Variants in ZNF44 observed in about 807,000 individuals in gnomAD.
ZNF44 encodes gonadotropin inducible transcription repressor-2.
A neutral mutation model predicts 11.7 loss-of-function variants in ZNF44; 9 were observed. The observed-to-expected ratio is 0.77, with a 90% CI of 0.46 to 1.35. ZNF44 has a LOEUF of 1.35. Ranked by LOEUF, ZNF44 falls within the 40% of genes most tolerant of loss-of-function variation. ZNF44 has a pLI of 0.00. For synonymous variants in ZNF44, 224 were observed against 242.7 expected, an observed-to-expected ratio of 0.92 and a Z score of 0.72; for missense variants, 696 against 743.1, an observed-to-expected ratio of 0.94 and a Z score of 0.74.
chr19:12,247,519 A>T (rs749927989), downstream of ZNF44: 1 of 1,350,566 alleles, frequency 7.4e-7, no homozygotes, highest in East Asian at 4.7e-5. Context: ...CACTGTTTAC[A>T]TTCATAAGGT....
chr19:12,266,994 G>A (rs1272462448), downstream of ZNF44, among the ~76,000 whole-genome samples: 3 of 151,870 alleles, frequency 2.0e-5, no homozygotes, highest in Non-Finnish European at 4.4e-5. Context: ...GTGGCATGGC[G>A]AAGGCTTCCT....
At chr19:12,226,058 A>G (rs528832171), downstream of ZNF44, 2 of 152,296 alleles carry the variant, frequency 1.3e-5, no homozygotes, top group East Asian at 3.9e-4. Flanking sequence ...TTTGAAACAT[A>G]ATTTTCTCTC....
At chr19:12,278,423 C>CTG (rs879641307) in intron 1 of ZNF44, among the ~76,000 whole-genome samples, 8 of 152,130 alleles carry the variant, frequency 5.3e-5, no homozygotes, top group Admixed American at 2.6e-4. Flanking sequence ...CTCTAAATTT[C>CTG]TGTGTGTGTG....
At chr19:12,241,065 A>G (rs1016712714), upstream of ZNF44, among the ~76,000 whole-genome samples, 1 of 152,196 alleles carries the variant, frequency 6.6e-6, no homozygotes, top group Non-Finnish European at 1.5e-5. Flanking sequence ...AACAAAACAA[A>G]CCAATGAGCC....
At position 12,272,275 on chromosome 19, in the gene ZNF44, T is replaced by C. The variant is rs112612717; in HGVS notation, c.*132A>G. On this transcript the variant is annotated 3_prime_UTR_variant, in exon 4 of 4. Transcript: ENST00000355684. ...TCCTCGGCCTCTCAAAGTGCTGGGA[T>C]TACAGGTGTGAGCCGCTGCGCCCAG... 232,641 of 1,347,084 alleles carry C rather than the reference T, an allele frequency of 0.17. 20,724 individuals carry two copies. Among genetic ancestry groups the C allele is most frequent in the East Asian group, 0.26 (9,438 of 36,106 alleles). 83.4% of individuals were successfully genotyped at this position (1,347,084 alleles called of 1,614,324 possible). A position where few individuals can be genotyped will look rare whatever the true frequency, so the allele number is the denominator to read the frequency against.
chr19:12,254,175 T>TA lies in ZNF44; in HGVS notation c.1913-3808dup, dbSNP rs77933552. On this transcript the variant is annotated intron_variant and NMD_transcript_variant, in intron 5 of 7. Coordinates refer to the ZNF44 transcript ENST00000393337. ...CCTAATCCAGAAGATCACAGCAGATTAAAAAAAAAAAACACTTTAACAAAC... is the reference window on the plus strand; with the variant it reads ...CCTAATCCAGAAGATCACAGCAGATTAAAAAAAAAAAAACACTTTAACAAAC... Among the ~76,000 whole-genome samples the TA allele has an allele frequency of 8.5e-3, 1,214 of 143,112 alleles. 19 individuals carry two copies. The highest frequency in any genetic ancestry group is 0.027 in the African/African-American group (1,077 of 39,726). 93.9% of individuals were successfully genotyped at this position (143,112 alleles called of 152,430 possible). A position where few individuals can be genotyped will look rare whatever the true frequency, so the allele number is the denominator to read the frequency against.
downstream of ZNF44, chr19:12,224,743 C>G (rs553315456): frequency 6.6e-6 from 1 of 152,206 alleles, no homozygotes; most frequent in Non-Finnish European, 1.5e-5. Flanking sequence ...TCTGGCTGGT[C>G]AGTCAGGAGC....
At chr19:12,283,549 A>G (rs1967581933) in intron 1 of ZNF44, among the ~76,000 whole-genome samples, 1 of 152,020 alleles carries the variant, frequency 6.6e-6, no homozygotes, top group Non-Finnish European at 1.5e-5. Context: ...CAGGATGGTC[A>G]TGATCTTCTG....
At chr19:12,289,987 G>GT in intron 1 of ZNF44, among the ~76,000 whole-genome samples, 2 of 152,218 alleles carry the variant, frequency 1.3e-5, no homozygotes, top group South Asian at 4.1e-4. Context: ...AGACTGTCTA[G>GT]TGACAGCCCT....
At chr19:12,288,121 C>T (rs1967840671) in intron 1 of ZNF44, among the ~76,000 whole-genome samples, 1 of 152,146 alleles carries the variant, frequency 6.6e-6, no homozygotes. Context: ...AAATTGAGGG[C>T]TCAGTTCCAC....
chr19:12,286,930 T>C (rs1213114127), intron 1 of ZNF44, among the ~76,000 whole-genome samples: 2 of 149,420 alleles, frequency 1.3e-5, no homozygotes, highest in African/African-American at 4.9e-5. Flanking sequence ...GTCTCAAAAA[T>C]AAAAAATAAA....
chr19:12,287,030 T>TACAC (rs899550234), intron 1 of ZNF44, among the ~76,000 whole-genome samples: 1 of 142,066 alleles, frequency 7.0e-6, no homozygotes, highest in African/African-American at 2.7e-5. Flanking sequence ...TATATATATA[T>TACAC]ACACACACAC....
chr19:12,254,077 T>TAC (rs57494376), intron 5 of ZNF44, among the ~76,000 whole-genome samples: 24,875 of 151,614 alleles, frequency 0.16, 2,271 homozygotes, highest in African/African-American at 0.24. Flanking sequence ...TACAGCAGTA[T>TAC]ACACATACTT....
At position 12,272,711 on chromosome 19, in the gene ZNF44, C is replaced by T. The variant is rs61737485; in HGVS notation, c.1544G>A (p.Arg515His). ...TTCATGAGTTTTTAAGTAACTGAAA[C>T]GACTGAAGGCTTTGCCACAAATTTG... ...ECQICGKAFS[R>H]FSYLKTHERT... Residue 515 changes from arginine to histidine, a missense_variant, in exon 4 of 4, where the codon CGT becomes CAT. Transcript: ENST00000355684. 2,616 of 1,613,422 alleles carry T rather than the reference C, an allele frequency of 1.6e-3. 34 individuals are homozygous for T. In the African/African-American group the frequency reaches 0.03, roughly 19 times the overall value.
At chr19:12,289,093 C>A (rs1967893032) in intron 1 of ZNF44, among the ~76,000 whole-genome samples, 1 of 151,394 alleles carries the variant, frequency 6.6e-6, no homozygotes, top group Non-Finnish European at 1.5e-5. Flanking sequence ...TCTCTTGAGC[C>A]CAGGAGTTCA....
At position 12,294,681 on chromosome 19, in the gene ZNF44, C is replaced by G. The variant is rs1405058017; in HGVS notation, c.3+11G>C. On this transcript the variant is annotated intron_variant, in intron 1 of 3. Coordinates refer to ENST00000355684, the MANE Select transcript of ZNF44 (RefSeq NM_016264.4). The stretch of plus-strand genomic sequence containing the variant: ...CGCCCTGCCTCAGGACGCCGGGCCC[C>G]GCACACTCACCATTTCCCGGCTGTG... The G allele has an allele frequency of 1.7e-5, 27 of 1,561,338 alleles. No individual in the cohort carries two copies. The highest frequency in any genetic ancestry group is 2.3e-5 in the Non-Finnish European group (26 of 1,153,920).
At chr19:12,248,533 T>C (rs1314237165) in exon 8 of ZNF44, 2 of 1,290,888 alleles carry the variant, frequency 1.5e-6, no homozygotes, top group Non-Finnish European at 2.0e-6. Context: ...GAATGATGGC[T>C]CAAGACTTTT....
chr19:12,289,565 C>A (rs1368670457), intron 1 of ZNF44, among the ~76,000 whole-genome samples: 1 of 151,952 alleles, frequency 6.6e-6, no homozygotes, highest in Non-Finnish European at 1.5e-5. Flanking sequence ...AACTTTCCAC[C>A]TAAGCTTTAA....
chr19:12,247,897 G>T (rs1216675574), exon 8 of ZNF44: 39 of 1,331,574 alleles, frequency 2.9e-5, no homozygotes, highest in Non-Finnish European at 3.8e-5. Context: ...TCATGTTTTT[G>T]AGCAGTACAG....
Sources: gnomAD v4.1 joint callset for allele counts (sites outside exome capture counted in the v4.1 genomes callset) on GRCh38, gnomAD v4.1.1 for gene constraint, MANE v1.5 for transcripts, NCBI Gene and HGNC (gene_info 2026-07-23, HGNC 2026-07-21) for gene names.